Variants in PCDH7 observed in about 807,000 individuals in gnomAD.
PCDH7 encodes the protein protocadherin 7.
PCDH7 carries 17 observed loss-of-function variants against 58.9 expected under a neutral mutation model. The observed-to-expected ratio is 0.29, with a 90% CI of 0.20 to 0.43. The LOEUF is 0.43. PCDH7 is among the 20% of genes least tolerant of loss of function. The pLI is 1.00. For missense variants in PCDH7, 1,274 were observed against 1,441.0 expected, an observed-to-expected ratio of 0.88 and a Z score of 1.88; for synonymous variants, 664 against 616.4, an observed-to-expected ratio of 1.08 and a Z score of -1.14.
intron 3 of PCDH7, among the ~76,000 whole-genome samples, chr4:30,995,236 G>A (rs796587992): frequency 2.6e-5 from 4 of 152,210 alleles, no homozygotes; most frequent in East Asian, 1.9e-4. Flanking sequence ...GATGAATGAC[G>A]GCCCAGCACG....
intron 3 of PCDH7, among the ~76,000 whole-genome samples, chr4:31,107,958 A>T (rs1057189472): frequency 1.3e-5 from 2 of 152,168 alleles, no homozygotes; most frequent in Admixed American, 1.3e-4. Context: ...AGCCAAAAAT[A>T]TCAACCTTTT....
chr4:30,983,557 G>T (rs1243029459), intron 3 of PCDH7, among the ~76,000 whole-genome samples: 2 of 152,150 alleles, frequency 1.3e-5, no homozygotes, highest in Non-Finnish European at 2.9e-5. Flanking sequence ...ACATTTGCAT[G>T]ATCATTCATA....
chr4:30,893,119 A>C (rs1257083010), intron 1 of PCDH7, among the ~76,000 whole-genome samples: 1 of 152,124 alleles, frequency 6.6e-6, no homozygotes, highest in Non-Finnish European at 1.5e-5. Context: ...TTTATAAGAA[A>C]TTCTGTTACA....
intron 2 of PCDH7, among the ~76,000 whole-genome samples, chr4:30,923,346 G>A (rs1000616257): frequency 1.3e-5 from 2 of 152,098 alleles, no homozygotes; most frequent in African/African-American, 4.8e-5. Flanking sequence ...CAAATGCAGA[G>A]AAGGAACAGA....
intron 2 of PCDH7, among the ~76,000 whole-genome samples, chr4:30,948,853 T>A (rs1325432355): frequency 6.6e-6 from 1 of 152,148 alleles, no homozygotes; most frequent in East Asian, 1.9e-4. Context: ...ATAAGGAGTG[T>A]GTCAAAGACC....
chr4:31,060,427 C>T (rs527834491), intron 3 of PCDH7, among the ~76,000 whole-genome samples: 2 of 151,780 alleles, frequency 1.3e-5, no homozygotes, highest in Non-Finnish European at 3.0e-5. Flanking sequence ...TTTTGTCTTC[C>T]TCATTGCCGT....
intron 1 of PCDH7, among the ~76,000 whole-genome samples, chr4:30,851,183 C>A (rs1397143178): frequency 6.6e-6 from 1 of 151,704 alleles, no homozygotes; most frequent in Non-Finnish European, 1.5e-5. Flanking sequence ...TATACACATG[C>A]ATTTGTGTTG....
intron 3 of PCDH7, among the ~76,000 whole-genome samples, chr4:30,998,494 TC>T (rs1340174198): frequency 6.6e-6 from 1 of 152,112 alleles, no homozygotes; most frequent in Non-Finnish European, 1.5e-5. Flanking sequence ...TGGTAGGATC[TC>T]CTGGAATGGT....
chr4:30,852,562 T>A (rs1054740454), intron 1 of PCDH7, among the ~76,000 whole-genome samples: 8 of 151,972 alleles, frequency 5.3e-5, no homozygotes, highest in Non-Finnish European at 1.2e-4. Context: ...AGAAAATCTC[T>A]TGGTGATGAA....
At chr4:30,820,227 T>A (rs1283503394) in intron 1 of PCDH7, among the ~76,000 whole-genome samples, 2 of 152,066 alleles carry the variant, frequency 1.3e-5, no homozygotes, top group African/African-American at 2.4e-5. Flanking sequence ...AAATAGATAC[T>A]TTTTGTGTGT....
At chr4:30,829,640 C>G (rs1235290309) in intron 1 of PCDH7, among the ~76,000 whole-genome samples, 2 of 152,052 alleles carry the variant, frequency 1.3e-5, no homozygotes, top group East Asian at 1.9e-4. Context: ...TATCAGGTAT[C>G]TAAGTTGAAA....
intron 1 of PCDH7, among the ~76,000 whole-genome samples, chr4:30,805,521 C>T (rs979297920): frequency 6.6e-6 from 1 of 152,098 alleles, no homozygotes; most frequent in Non-Finnish European, 1.5e-5. Context: ...ATTAAGTGCT[C>T]AATAACTGCT....
chr4:31,097,587 C>CATAT lies in PCDH7; in HGVS notation c.*8-44838_*8-44835dup, dbSNP rs1190443409. ...TGTGGCTGTTTTTCCTCCAAATATA[C>CATAT]ATATATATATATATATATATATATA... On this transcript the variant is annotated intron_variant, in intron 3 of 3. Transcript: ENST00000509759. Among the ~76,000 whole-genome samples the CATAT allele has an allele frequency of 7.8e-3, 312 of 39,878 alleles. 19 individuals carry two copies. The highest frequency in any genetic ancestry group is 0.017 in the Middle Eastern group (1 of 58). 26.2% of individuals were successfully genotyped at this position (39,878 alleles called of 152,430 possible).
chr4:31,112,962 A>C (rs1201151397), intron 3 of PCDH7, among the ~76,000 whole-genome samples: 1 of 152,144 alleles, frequency 6.6e-6, no homozygotes, highest in African/African-American at 2.4e-5. Flanking sequence ...TTTCAGTATA[A>C]TTGCTCAGAT....
At chr4:30,852,312 G>A (rs1020556392) in intron 1 of PCDH7, among the ~76,000 whole-genome samples, 1 of 152,042 alleles carries the variant, frequency 6.6e-6, no homozygotes, top group African/African-American at 2.4e-5. Flanking sequence ...ATGTAGTATA[G>A]GATTTAGCAA....
intron 1 of PCDH7, among the ~76,000 whole-genome samples, chr4:30,824,099 C>CTTTTCT (rs779300865): frequency 9.0e-6 from 1 of 111,308 alleles, no homozygotes; most frequent in Non-Finnish European, 1.9e-5. Context: ...TTCTTTCTTT[C>CTTTTCT]TTTCTTTCTT....
At chr4:31,052,006 T>C (rs1183110624) in intron 3 of PCDH7, among the ~76,000 whole-genome samples, 1 of 152,126 alleles carries the variant, frequency 6.6e-6, no homozygotes, top group Non-Finnish European at 1.5e-5. Flanking sequence ...AAGAGTTGAT[T>C]GGTAATTTTG....
At chr4:30,753,512 C>G (rs550752058) in intron 1 of PCDH7, among the ~76,000 whole-genome samples, 1 of 152,140 alleles carries the variant, frequency 6.6e-6, no homozygotes, top group Non-Finnish European at 1.5e-5. Flanking sequence ...GCACTTAGTA[C>G]GTGCAAAGGC....
In PCDH7 at chr4:30,720,626, T is replaced by G. The variant is rs1713342956; in HGVS notation, c.-797T>G. On this transcript the variant is annotated 5_prime_UTR_variant, in exon 1 of 2. Transcript: ENST00000361762. This position sits in a 1 kb window ranked among gnomAD's most constrained non-coding sequence, Gnocchi z 4.7. ...AGAAGGGACTGACTCTGGGCGTCTCTGAAGATGGCTCGGGCTTCTCTTTGG... is the reference window on the plus strand; with the variant it reads ...AGAAGGGACTGACTCTGGGCGTCTCGGAAGATGGCTCGGGCTTCTCTTTGG... 1 of 152,914 alleles carries G rather than the reference T, an allele frequency of 6.5e-6. No individual in the cohort carries two copies. Among genetic ancestry groups the G allele is most frequent in the Non-Finnish European group, 1.5e-5 (1 of 68,360 alleles). 9.5% of individuals were successfully genotyped at this position (152,914 alleles called of 1,614,324 possible). A position where few individuals can be genotyped will look rare whatever the true frequency, so the allele number is the denominator to read the frequency against.
Sources: gnomAD v4.1 joint callset for allele counts (sites outside exome capture counted in the v4.1 genomes callset) on GRCh38, gnomAD v4.1.1 for gene constraint, Gnocchi (gnomAD v3.1) non-coding constraint, MANE v1.5 for transcripts, NCBI Gene and HGNC (gene_info 2026-07-23, HGNC 2026-07-21) for gene names.